Variants in PCDH17 observed in about 807,000 individuals in gnomAD.
The protein encoded by PCDH17 is protocadherin-17.
A neutral mutation model predicts 67.7 loss-of-function variants in PCDH17; 21 were observed. The ratio of observed to expected loss-of-function variants is 0.31; its 90% CI spans 0.22 to 0.45. The LOEUF (loss-of-function observed/expected upper bound fraction) is 0.45, where lower values mean the gene tolerates loss of function less well. Ranked by LOEUF, PCDH17 falls within the 20% of genes least tolerant of loss-of-function variation. PCDH17 has a pLI of 1.00. For synonymous variants in PCDH17, 701 were observed against 656.7 expected (o/e 1.07, Z -1.03); for missense variants, 1,471 against 1,564.8 (o/e 0.94, Z 1.01).
Position 57,725,141 on chromosome 13 carries a change from G to C in PCDH17, c.3327G>C (p.Arg1109=). Residue 1109 remains arginine (R), a synonymous_variant, in exon 4 of 4, where the codon CGG becomes CGC. Coordinates refer to ENST00000377918, the MANE Select transcript of PCDH17 (RefSeq NM_001040429.3). ...VFADVHSRAS[R]DSSEMGAVLE... ...CAGATGTGCATTCCAGAGCCAGCCG[G>C]GATTCCAGTGAGATGGGTGCTGTTC... 6.2e-7 allele frequency: 1 copy of C among 1,614,162 alleles called. No homozygotes were observed. Among genetic ancestry groups the C allele is most frequent in the Non-Finnish European group, 8.5e-7 (1 of 1,180,018 alleles).
intron 3 of PCDH17, among the ~76,000 whole-genome samples, chr13:57,677,742 T>C (rs1955408326): frequency 6.6e-6 from 1 of 151,788 alleles, no homozygotes; most frequent in Admixed American, 6.6e-5. Flanking sequence ...CTGATTTCCA[T>C]GAGAGGAGTT....
At chr13:57,691,338 G>A (rs1955556662) in intron 3 of PCDH17, among the ~76,000 whole-genome samples, 1 of 151,200 alleles carries the variant, frequency 6.6e-6, no homozygotes, top group Non-Finnish European at 1.5e-5. Context: ...GCTAATTTTT[G>A]AGGGTGAAAG....
intron 3 of PCDH17, among the ~76,000 whole-genome samples, chr13:57,703,544 C>G (rs1377642048): frequency 6.6e-6 from 1 of 152,022 alleles, no homozygotes; most frequent in East Asian, 1.9e-4. Context: ...TTCTCCTGCA[C>G]TTTCTATTAT....
At chr13:57,720,209 A>G (rs943342281) in intron 3 of PCDH17, among the ~76,000 whole-genome samples, 10 of 152,002 alleles carry the variant, frequency 6.6e-5, no homozygotes, top group Non-Finnish European at 7.4e-5. Context: ...TAGGTTAAAA[A>G]AGAGAGAGAG....
Position 57,634,944 on chromosome 13 carries a change from T to C in PCDH17, c.2398T>C (p.Tyr800His). The stretch of plus-strand genomic sequence containing the variant: ...GGCCACCTCCCCCATGTACTTCGAC[T>C]ACCAGACCCGCCTGCCCCTCAGCTC... ...SLATSPMYFD[Y>H]QTRLPLSSPR... is the part of the protein sequence containing the mutation. The change falls in exon 1 of 4, where the codon TAC (tyrosine) becomes CAC (histidine). Residue 800 changes from tyrosine (Y) to histidine (H), a missense_variant. Tyr to His is a moderately conservative substitution (Grantham distance 83). Around this residue, in one of 3 missense-constraint regions of PCDH17, gnomAD observed 1,163 missense variants for 1,230.0 expected, o/e 0.95. Transcript: ENST00000377918. This position sits in a 1 kb window ranked among gnomAD's most constrained non-coding sequence, Gnocchi z 7.8. The C allele has an allele frequency of 6.2e-7, 1 of 1,613,718 alleles. No homozygotes were observed. Among genetic ancestry groups the C allele is most frequent in the Non-Finnish European group, 8.5e-7 (1 of 1,179,932 alleles).
chr13:57,710,678 A>T (rs1026606473), intron 3 of PCDH17, among the ~76,000 whole-genome samples: 2 of 151,958 alleles, frequency 1.3e-5, no homozygotes, highest in African/African-American at 2.4e-5. Flanking sequence ...GTTTCTGCAT[A>T]GTTTAATCAC....
chr13:57,716,497 C>T (rs1360464918), intron 3 of PCDH17, among the ~76,000 whole-genome samples: 1 of 151,886 alleles, frequency 6.6e-6, no homozygotes, highest in African/African-American at 2.4e-5. Context: ...AGCGCCCTCT[C>T]TCTGCTCTCC....
chr13:57,633,221 C>A lies in PCDH17; in HGVS notation c.675C>A (p.Ala225=), dbSNP rs764582720. 3.4e-5 allele frequency: 55 copies of A among 1,613,190 alleles called. No individual in the cohort carries two copies. Among genetic ancestry groups the A allele is most frequent in the Non-Finnish European group, 4.6e-5 (54 of 1,180,012 alleles). The change falls in exon 1 of 4, where the codon GCC becomes GCA. Residue 225 remains alanine, a synonymous_variant. Coordinates refer to ENST00000377918, the MANE Select transcript of PCDH17 (RefSeq NM_001040429.3). This position sits in a 1 kb window ranked among gnomAD's most constrained non-coding sequence, Gnocchi z 6.2. The part of the protein sequence containing the change: ...ALDGGEPPRS[A]TVQINVKVID... ...ACGGTGGCGAGCCTCCACGTTCCGC[C>A]ACCGTACAGATCAACGTGAAGGTGA...
Position 57,633,710 on chromosome 13 carries a change from G to A in PCDH17, c.1164G>A (p.Gln388=). Residue 388 remains glutamine, a synonymous_variant, in exon 1 of 4, where the codon CAG becomes CAA. Coordinates refer to ENST00000377918, the MANE Select transcript of PCDH17 (RefSeq NM_001040429.3). This position sits in a 1 kb window ranked among gnomAD's most constrained non-coding sequence, Gnocchi z 6.2. ...ACTCTGGCAAGAACGGACAGCTGCAGTGTCGGGTCCTAGGCGGAGGAGGGA... is the reference window on the plus strand; with the variant it reads ...ACTCTGGCAAGAACGGACAGCTGCAATGTCGGGTCCTAGGCGGAGGAGGGA... The part of the protein sequence containing the change: ...DRDSGKNGQL[Q]CRVLGGGGTG... 1 of 1,602,680 alleles carries A rather than the reference G, an allele frequency of 6.2e-7. No homozygotes were observed. The highest frequency in any genetic ancestry group is 8.5e-7 in the Non-Finnish European group (1 of 1,179,550).
intron 1 of PCDH17, among the ~76,000 whole-genome samples, chr13:57,663,132 T>C (rs750420430): frequency 1.3e-5 from 2 of 152,124 alleles, no homozygotes; most frequent in African/African-American, 4.8e-5. Flanking sequence ...TGAAAACATT[T>C]ATGTAGCTAC....
chr13:57,649,870 A>G (rs1224863079), intron 1 of PCDH17, among the ~76,000 whole-genome samples: 1 of 152,148 alleles, frequency 6.6e-6, no homozygotes, highest in Admixed American at 6.6e-5. Flanking sequence ...TTAAGTATAT[A>G]GCTTTTATAA....
At chr13:57,661,889 A>T (rs1955188112) in intron 1 of PCDH17, among the ~76,000 whole-genome samples, 1 of 151,926 alleles carries the variant, frequency 6.6e-6, no homozygotes, top group Non-Finnish European at 1.5e-5. Context: ...GTTTTTTGAG[A>T]CAGAGTCTCA....
chr13:57,711,848 G>C (rs1955779662), intron 3 of PCDH17, among the ~76,000 whole-genome samples: 1 of 150,818 alleles, frequency 6.6e-6, no homozygotes, highest in Non-Finnish European at 1.5e-5. Context: ...GTGTTTTATA[G>C]GTAATAAATA....
At chr13:57,671,508 TTAAG>T (rs745807827) in intron 3 of PCDH17, among the ~76,000 whole-genome samples, 38 of 152,012 alleles carry the variant, frequency 2.5e-4, no homozygotes, top group Non-Finnish European at 4.7e-4. Context: ...TTTAGCTTCT[TTAAG>T]TAAGTACTGT....
chr13:57,691,541 G>GTT (rs1955559324), intron 3 of PCDH17, among the ~76,000 whole-genome samples: 1 of 151,102 alleles, frequency 6.6e-6, no homozygotes, highest in African/African-American at 2.4e-5. Flanking sequence ...CCTCTTTTGT[G>GTT]ATTATTTTTT....
chr13:57,689,747 A>G (rs1955540508), intron 3 of PCDH17, among the ~76,000 whole-genome samples: 1 of 151,932 alleles, frequency 6.6e-6, no homozygotes, highest in Non-Finnish European at 1.5e-5. Flanking sequence ...CTTGACCCCT[A>G]AATTTCTTCA....
chr13:57,640,751 G>A (rs1169165864), intron 1 of PCDH17, among the ~76,000 whole-genome samples: 1 of 151,962 alleles, frequency 6.6e-6, no homozygotes, highest in African/African-American at 2.4e-5. Flanking sequence ...TGTATGCTGT[G>A]AGCCTGATGA....
At chr13:57,699,672 T>C (rs1418875403) in intron 3 of PCDH17, among the ~76,000 whole-genome samples, 1 of 152,046 alleles carries the variant, frequency 6.6e-6, no homozygotes, top group Admixed American at 6.6e-5. Context: ...ATATTTTATA[T>C]GGATATTCTT....
In PCDH17 at chr13:57,634,349, T is replaced by C. The variant is rs1396737199; in HGVS notation, c.1803T>C (p.Ala601=). The C allele has an allele frequency of 9.3e-6, 15 of 1,612,554 alleles. No individual in the cohort carries two copies. Among genetic ancestry groups the C allele is most frequent in the East Asian group, 2.2e-5 (1 of 44,846 alleles). ...CGGAGCTGCAGGTGCCGCGCAACGCTGGCCTGGGCTATCTGGTGAGCACTG... is the reference window on the plus strand; with the variant it reads ...CGGAGCTGCAGGTGCCGCGCAACGCCGGCCTGGGCTATCTGGTGAGCACTG... ...DTAELQVPRN[A]GLGYLVSTVR... The change falls in exon 1 of 4, where the codon GCT becomes GCC. Residue 601 remains alanine (A), a synonymous_variant. Transcript: ENST00000377918. This position sits in a 1 kb window ranked among gnomAD's most constrained non-coding sequence, Gnocchi z 7.8.
Sources: allele counts gnomAD v4.1 joint callset (sites outside exome capture counted in the v4.1 genomes callset), GRCh38; gene constraint gnomAD v4.1.1; regional missense constraint gnomAD v4.1.1; non-coding constraint Gnocchi (gnomAD v3.1); transcripts MANE v1.5; gene names NCBI Gene and HGNC (gene_info 2026-07-23, HGNC 2026-07-21).